Variants in TYRO3 observed in about 807,000 individuals in gnomAD.
The protein encoded by TYRO3 is TYRO3 protein tyrosine kinase.
A neutral mutation model predicts 95.2 loss-of-function variants in TYRO3; 38 were observed. The ratio of observed to expected loss-of-function variants is 0.40; its 90% CI spans 0.31 to 0.52. The LOEUF (loss-of-function observed/expected upper bound fraction) is 0.52. Ranked by LOEUF, TYRO3 falls within the 20% of genes least tolerant of loss-of-function variation. TYRO3 has a pLI of 0.56. For synonymous variants in TYRO3, 367 were observed against 432.9 expected (o/e 0.85, Z 1.89); for missense variants, 812 against 1,116.4 (o/e 0.73, Z 3.89).
rs142723750 is a variant in TYRO3, at chr15:41,562,671, C to G, written c.533C>G (p.Thr178Arg). 6.2e-7 allele frequency: 1 copy of G among 1,614,154 alleles called. No individual in the cohort carries two copies. Among genetic ancestry groups the G allele is most frequent in the Non-Finnish European group, 8.5e-7 (1 of 1,180,048 alleles). ...ACCATTGTCTGGTGGAGAGGAACTACGAAGATCGGGGGACCCGCTCCCTCT... is the reference window on the plus strand; with the variant it reads ...ACCATTGTCTGGTGGAGAGGAACTAGGAAGATCGGGGGACCCGCTCCCTCT... Reference protein sequence around the residue: ...PVTIVWWRGTTKIGGPAPSPS... With the variant: ...PVTIVWWRGTRKIGGPAPSPS... The change falls in exon 4 of 19, where the codon ACG (threonine) becomes AGG (arginine). Residue 178 changes from threonine to arginine, a missense_variant. Coordinates refer to ENST00000263798, the MANE Select transcript of TYRO3 (RefSeq NM_006293.4).
chr15:41,562,376 G>C, intron 3 of TYRO3, 172 bp from the exon 4 acceptor site: 2 of 382,350 alleles, frequency 5.2e-6, no homozygotes, highest in East Asian at 4.6e-5. Context: ...GCCTGAAAAA[G>C]AGAAGCACCG....
chr15:41,560,844 C>G (rs1274915975), intron 1 of TYRO3, among the ~76,000 whole-genome samples: 1 of 151,062 alleles, frequency 6.6e-6, no homozygotes, highest in Admixed American at 6.6e-5. Context: ...TAACTCCCAT[C>G]GTTTCAGCCC....
chr15:41,575,420 G>A (rs985084900), intron 18 of TYRO3, among the ~76,000 whole-genome samples: 11 of 152,254 alleles, frequency 7.2e-5, no homozygotes, highest in African/African-American at 2.7e-4. Flanking sequence ...AGCTGGAGCT[G>A]GTGCTGTCAA....
chr15:41,575,125 T>C (rs1185395208), intron 18 of TYRO3, among the ~76,000 whole-genome samples: 1 of 152,218 alleles, frequency 6.6e-6, no homozygotes, highest in Non-Finnish European at 1.5e-5. Flanking sequence ...GCCGAGGTCA[T>C]GGACAGGCAC....
At chr15:41,563,620 A>G (rs1323825482) in intron 4 of TYRO3, among the ~76,000 whole-genome samples, 2 of 152,100 alleles carry the variant, frequency 1.3e-5, no homozygotes, top group Admixed American at 1.3e-4. Flanking sequence ...GCCTGATAAT[A>G]AGCACTCACT....
chr15:41,569,204 T>A (rs1287920012), intron 9 of TYRO3, among the ~76,000 whole-genome samples, 182 bp downstream of exon 9: 1 of 150,488 alleles, frequency 6.6e-6, no homozygotes, highest in Non-Finnish European at 1.5e-5. Flanking sequence ...ATGCCTGTAA[T>A]CCCAACATTT....
rs541848111 is a variant in TYRO3 at position 41,575,087 on chromosome 15, T to C, written c.2282+1272T>C. Among the ~76,000 whole-genome samples, 47 of 152,312 alleles carry C rather than the reference T, an allele frequency of 3.1e-4. 1 individual carries two copies. Among genetic ancestry groups the C allele is most frequent in the Non-Finnish European group, 1.0e-4 (7 of 68,028 alleles). On this transcript the variant is annotated intron_variant, in intron 18 of 18. Coordinates refer to ENST00000263798, the MANE Select transcript of TYRO3 (RefSeq NM_006293.4). ...GACCAGAGAAAGAATCTGCTCCATT[T>C]CTTGCTCTGGGATTGGACTTCCAGA...
rs141684866 is a variant in TYRO3 at position 41,564,658 on chromosome 15, G to T, written c.668-368G>T. 6.7e-5 allele frequency: 25 copies of T among 371,036 alleles called. 1 individual carries two copies. In the East Asian group the frequency reaches 1.2e-3, roughly 18 times the overall value. The allele number at this position is 371,036 out of a possible 1,614,324, so 23.0% of individuals were successfully genotyped here. ...CCAGAGGGCTGGTGTACAGAGAGAG[G>T]GGGAGGGAGAGGGTGTCTGCAGGAG... On this transcript the variant is annotated intron_variant, in intron 5 of 18. Coordinates refer to ENST00000263798, the MANE Select transcript of TYRO3 (RefSeq NM_006293.4).
intron 9 of TYRO3, 142 bp from the exon 10 acceptor site, chr15:41,569,885 C>T (rs1428193898): frequency 9.5e-7 from 1 of 1,047,274 alleles, no homozygotes; most frequent in Non-Finnish European, 1.3e-6. Context: ...GACTCTTAGG[C>T]ATTCCTCTGG....
At chr15:41,562,406 G>A in intron 3 of TYRO3, 142 bp from the exon 4 acceptor site, 5 of 674,268 alleles carry the variant, frequency 7.4e-6, no homozygotes, top group South Asian at 2.9e-5. Context: ...CAAGCTAGAT[G>A]CCTGTTCTGC....
intron 15 of TYRO3, 81 bp downstream of exon 15, chr15:41,572,645 AG>A (rs780901380): frequency 6.2e-5 from 88 of 1,411,126 alleles, no homozygotes; most frequent in Non-Finnish European, 8.0e-5. Context: ...CCTGGCAGAG[AG>A]GGGCTTGCTG....
chr15:41,561,190 A>G lies in TYRO3; in HGVS notation c.188A>G (p.Asn63Ser), dbSNP rs1272474342. 1.2e-6 allele frequency: 2 copies of G among 1,614,082 alleles called. No individual in the cohort carries two copies. The highest frequency in any genetic ancestry group is 1.3e-5 in the African/African-American group (1 of 74,932). Residue 63 changes from asparagine (N) to serine (S), a missense_variant, in exon 2 of 19, where the codon AAC becomes AGC. By Grantham distance (46) the Asn-to-Ser change is conservative (BLOSUM62 1). Transcript: ENST00000263798. ...TCTCAGGGGCAGCCGGTGAAGCTCA[A>G]CTGCAGTGTGGAGGGGATGGAGGAG... The part of the protein sequence containing the change: ...TVSQGQPVKL[N>S]CSVEGMEEPD...
rs1372499537 is a variant in TYRO3 at position 41,573,449 on chromosome 15, T to C, written c.2127T>C (p.Tyr709=). 10 of 1,614,232 alleles carry C rather than the reference T, an allele frequency of 6.2e-6. No individual in the cohort carries two copies. The highest frequency in any genetic ancestry group is 8.5e-6 in the Non-Finnish European group (10 of 1,180,044). The stretch of plus-strand genomic sequence containing the variant: ...TGGAGAGCCTGGCCGACAACCTGTA[T>C]ACTGTGCAGAGTGACGTGGTGAGCA... ...LALESLADNL[Y]TVQSDVWAFG... Residue 709 remains tyrosine, a synonymous_variant, in exon 17 of 19, where the codon TAT becomes TAC. Coordinates refer to ENST00000263798, the MANE Select transcript of TYRO3 (RefSeq NM_006293.4).
chr15:41,583,267 A>T lies in TYRO3; in HGVS notation c.*4991A>T, dbSNP rs2055941172. 1.3e-5 allele frequency: 2 copies of T among 152,126 alleles called. No homozygotes were observed. The highest frequency in any genetic ancestry group is 4.8e-5 in the African/African-American group (2 of 41,366). The allele number at this position is 152,126 out of a possible 1,614,324, so 9.4% of individuals were successfully genotyped here. ...CGCCTCAGCCTCCCAAAGTGCTGGG[A>T]TTACAGGCTTCAGCCACCGCGCCCG... On this transcript the variant is annotated 3_prime_UTR_variant, in exon 19 of 19. Coordinates refer to ENST00000263798, the MANE Select transcript of TYRO3 (RefSeq NM_006293.4).
chr15:41,568,778 T>TA (rs1218295863), intron 8 of TYRO3, 100 bp from the exon 9 acceptor site: 1 of 1,419,142 alleles, frequency 7.0e-7, no homozygotes, highest in African/African-American at 1.4e-5. Context: ...AGTGCCCCTA[T>TA]ACTCCCATGT....
At chr15:41,569,129 C>T in intron 9 of TYRO3, 107 bp downstream of exon 9, 2 of 1,349,012 alleles carry the variant, frequency 1.5e-6, no homozygotes, top group South Asian at 1.4e-5. Flanking sequence ...CTAGTAGACC[C>T]ACAGACAGAG....
intron 18 of TYRO3, chr15:41,577,645 G>A (rs1241643095): frequency 3.4e-5 from 12 of 357,214 alleles, no homozygotes; most frequent in Non-Finnish European, 6.2e-5. Flanking sequence ...TGTCTACCAA[G>A]CCTGGCTAAT....
chr15:41,564,082 G>A, intron 4 of TYRO3, 102 bp from the exon 5 acceptor site: 2 of 1,086,978 alleles, frequency 1.8e-6, no homozygotes, highest in Non-Finnish European at 1.4e-6. Context: ...TGGCAGGAGG[G>A]ATTTAAGGAT....
At chr15:41,561,385 T>G in intron 2 of TYRO3, 75 bp downstream of exon 2, 1 of 1,513,674 alleles carries the variant, frequency 6.6e-7, no homozygotes, top group East Asian at 2.3e-5. Flanking sequence ...GATTGGGAGC[T>G]GGGGCCCTCT....
Sources: allele counts gnomAD v4.1 joint callset (sites outside exome capture counted in the v4.1 genomes callset), GRCh38; gene constraint gnomAD v4.1.1; transcripts MANE v1.5; gene names NCBI Gene and HGNC (gene_info 2026-07-23, HGNC 2026-07-21).